QRICH2: variants seen among roughly 807,000 people sequenced by gnomAD.
QRICH2 encodes glutamine-rich protein 2.
In QRICH2, 119 loss-of-function variants were observed where a neutral mutation model predicts 168.3. That is an observed-to-expected ratio of 0.71 (90% CI 0.61 to 0.82). The LOEUF (loss-of-function observed/expected upper bound fraction) is 0.82, where lower values mean the gene tolerates loss of function less well. QRICH2 is among the 40% of genes least tolerant of loss of function. QRICH2 has a pLI of 0.00. For synonymous variants in QRICH2, 894 were observed against 951.2 expected, an observed-to-expected ratio of 0.94 and a Z score of 1.11; for missense variants, 2,241 against 2,491.6, an observed-to-expected ratio of 0.90 and a Z score of 2.14.
intron 17 of QRICH2, 85 bp downstream of exon 17, chr17:76,276,595 G>A (rs2070683427): frequency 2.2e-6 from 2 of 919,218 alleles, no homozygotes; most frequent in Non-Finnish European, 3.5e-6. Flanking sequence ...GGGTCTAGTG[G>A]CCCATAAAAG....
intron 1 of QRICH2, 150 bp from the exon 2 acceptor site, chr17:76,305,091 C>T (rs1249483854): frequency 3.4e-5 from 22 of 644,948 alleles, no homozygotes; most frequent in Admixed American, 1.1e-4. Context: ...TGCCAGGAGA[C>T]GAGGAAAGGG....
intron 5 of QRICH2, 42 bp from the exon 6 acceptor site, chr17:76,287,939 T>G: frequency 6.7e-7 from 1 of 1,499,018 alleles, no homozygotes; most frequent in Non-Finnish European, 9.3e-7. Flanking sequence ...AGGCCTGAGC[T>G]CCCGCTTCCC....
At chr17:76,275,764 G>T in intron 18 of QRICH2, 55 bp downstream of exon 18, 2 of 1,581,182 alleles carry the variant, frequency 1.3e-6, no homozygotes, top group South Asian at 1.1e-5. Flanking sequence ...AGGAAAGGGG[G>T]CCGGCAGGGC....
intron 3 of QRICH2, among the ~76,000 whole-genome samples, chr17:76,295,693 A>C (rs901750922): frequency 2.0e-5 from 3 of 152,156 alleles, no homozygotes; most frequent in African/African-American, 7.2e-5. Context: ...TGGACCCAGA[A>C]ACTCCATAGA....
In QRICH2 at chr17:76,304,895, C is replaced by A. The variant is rs550617765; in HGVS notation, c.581G>T (p.Arg194Leu). 1.2e-6 allele frequency: 2 copies of A among 1,613,066 alleles called. No homozygotes were observed. The highest frequency in any genetic ancestry group is 1.3e-5 in the African/African-American group (1 of 74,978). ...VDELEKLFKDREQFLELVSRK... is the reference protein window; with the variant it reads ...VDELEKLFKDLEQFLELVSRK... ...GGCTGGTATTACCAGGAATTGCTCC[C>A]GATCTTTGAATAGCTTCTCTAGTTC... Residue 194 changes from arginine (R) to leucine (L), a missense_variant, in exon 2 of 19, where the codon CGG (arginine) becomes CTG (leucine). Physicochemically the swap from Arg to Leu is moderately radical, Grantham distance 102 (BLOSUM62 -2). Transcript: ENST00000680821.
At chr17:76,288,746 G>A (rs558884249) in intron 5 of QRICH2, among the ~76,000 whole-genome samples, 66 of 151,860 alleles carry the variant, frequency 4.3e-4, no homozygotes, top group African/African-American at 1.3e-3. Flanking sequence ...GGATCTGGCC[G>A]TCCCTTGCAA....
intron 5 of QRICH2, among the ~76,000 whole-genome samples, chr17:76,289,611 A>G (rs2070951209): frequency 6.6e-6 from 1 of 152,152 alleles, no homozygotes; most frequent in African/African-American, 2.4e-5. Context: ...AATCCGTAAA[A>G]TACAAATGGA....
intron 6 of QRICH2, 48 bp downstream of exon 6, chr17:76,287,752 G>A: frequency 2.1e-6 from 3 of 1,436,290 alleles, no homozygotes; most frequent in Non-Finnish European, 2.9e-6. Flanking sequence ...CCTTGGCTGA[G>A]AATTCGTGAT....
chr17:76,282,938 G>C (rs931368999), intron 7 of QRICH2, among the ~76,000 whole-genome samples: 8 of 152,204 alleles, frequency 5.3e-5, no homozygotes, highest in African/African-American at 1.9e-4. Context: ...GAGTGGAATG[G>C]GAGAGTGACG....
rs2070699899 is a variant in QRICH2 at position 76,277,295 on chromosome 17, A to G, written c.5133T>C (p.Ala1711=). 6.2e-7 allele frequency: 1 copy of G among 1,609,588 alleles called. No homozygotes were observed. The highest frequency in any genetic ancestry group is 8.5e-7 in the Non-Finnish European group (1 of 1,178,670). The stretch of plus-strand genomic sequence containing the variant: ...GGGGCACAGTTGAGTAGGTGTAATC[A>G]GCCATATCTGTCACCCTGTGATGAA... The part of the protein sequence containing the change: ...SPCYKRVTDM[A]DYTYSTVPRR... Residue 1711 remains alanine, a synonymous_variant, in exon 16 of 19, where the codon GCT becomes GCC. Coordinates refer to ENST00000680821, the MANE Select transcript of QRICH2 (RefSeq NM_001388453.1).
chr17:76,307,306 CTATT>C lies in QRICH2; in HGVS notation c.534+155_534+158del, dbSNP rs1015111217. On this transcript the variant is annotated intron_variant, in intron 1 of 18. Transcript: ENST00000680821. The surrounding 1 kb of genome is among the most constrained non-coding windows in gnomAD (Gnocchi z 5.3). ...ACTGCAAGGTAGAGCATGGGCCACT[CTATT>C]TAGCCAGTCGCACTGAGGTCTGGCA... is the stretch of plus-strand genomic sequence containing the variant. Among the ~76,000 whole-genome samples the C allele has an allele frequency of 4.6e-5, 7 of 152,100 alleles. No homozygotes were observed. The highest frequency in any genetic ancestry group is 1.0e-4 in the Non-Finnish European group (7 of 67,992).
At position 76,276,192 on chromosome 17, in the gene QRICH2, G is replaced by A. The variant is rs867526509; in HGVS notation, c.5354-245C>T. On this transcript the variant is annotated intron_variant, in intron 17 of 18. Coordinates refer to ENST00000680821, the MANE Select transcript of QRICH2 (RefSeq NM_001388453.1). ...ACACGTCAGCCCTGTGCCAGGTGTG[G>A]GGTGAGTTCTGACCTGGGGTTTCCA... Among the ~76,000 whole-genome samples the A allele has an allele frequency of 2.0e-5, 3 of 147,696 alleles. No individual in the cohort carries two copies. In the South Asian group the frequency reaches 6.4e-4, roughly 31 times the overall value.
Position 76,291,963 on chromosome 17 carries a change from C to T in QRICH2, c.2764G>A (p.Val922Met). 1.2e-6 allele frequency: 2 copies of T among 1,614,070 alleles called. No homozygotes were observed. Among genetic ancestry groups the T allele is most frequent in the South Asian group, 1.1e-5 (1 of 91,082 alleles). ...CCATGTGGATCTGCCTGAGGTTGCA[C>T]CATACCTTGCTGACCTATTCCAGGC... ...VQPGIGQQGMVQPQADPHGLV... is the reference protein window; with the variant it reads ...VQPGIGQQGMMQPQADPHGLV... Residue 922 changes from valine to methionine, a missense_variant, in exon 4 of 19, where the codon GTG becomes ATG. By Grantham distance (21) the Val-to-Met change is conservative (BLOSUM62 1). This residue lies in a region of QRICH2 where 2,047 missense variants were observed against 2,303.8 expected (regional missense o/e 0.89). Transcript: ENST00000680821.
chr17:76,309,690 GGATATT>G (rs1385014245), upstream of QRICH2: 1 of 152,188 alleles, frequency 6.6e-6, no homozygotes, highest in Non-Finnish European at 1.5e-5. Context: ...CATCTACACA[GGATATT>G]GCAGTAGGTA....
chr17:76,308,999 G>A (rs1278433013), upstream of QRICH2, among the ~76,000 whole-genome samples: 1 of 149,012 alleles, frequency 6.7e-6, no homozygotes, highest in Non-Finnish European at 1.5e-5. Context: ...GACCCACCTC[G>A]GCCTCCCAAA....
chr17:76,276,085 T>G, intron 17 of QRICH2, 138 bp from the exon 18 acceptor site: 1 of 1,041,950 alleles, frequency 9.6e-7, no homozygotes, highest in African/African-American at 1.6e-5. Context: ...TCATTCTGAA[T>G]TTGTGGCTAT....
chr17:76,308,892 C>T (rs375257424), upstream of QRICH2, among the ~76,000 whole-genome samples: 3 of 151,548 alleles, frequency 2.0e-5, no homozygotes, highest in Admixed American at 6.6e-5. Flanking sequence ...ATTACAGATG[C>T]GTGGTACCAT....
intron 18 of QRICH2, among the ~76,000 whole-genome samples, 156 bp from the exon 19 acceptor site, chr17:76,274,416 G>GCGC (rs1488526267): frequency 6.6e-6 from 1 of 152,232 alleles, no homozygotes; most frequent in Non-Finnish European, 1.5e-5. Flanking sequence ...GGGGGGCACG[G>GCGC]CGCAGGCCCA....
chr17:76,296,348 G>C (rs2070792720), intron 3 of QRICH2, among the ~76,000 whole-genome samples: 1 of 152,202 alleles, frequency 6.6e-6, no homozygotes, highest in African/African-American at 2.4e-5. Flanking sequence ...GTATCACCCT[G>C]GCTTGCTGCC....
Sources: allele counts gnomAD v4.1 joint callset (sites outside exome capture counted in the v4.1 genomes callset), GRCh38; gene constraint gnomAD v4.1.1; regional missense constraint gnomAD v4.1.1; non-coding constraint Gnocchi (gnomAD v3.1); transcripts MANE v1.5; gene names NCBI Gene and HGNC (gene_info 2026-07-23, HGNC 2026-07-21).